TACR3: variants seen among roughly 807,000 people sequenced by gnomAD.
The protein encoded by TACR3 is tachykinin receptor 3, also known as neuromedin-K receptor.
A neutral mutation model predicts 35.0 loss-of-function variants in TACR3; 34 were observed. The observed-to-expected ratio is 0.97, with a 90% CI of 0.74 to 1.30. TACR3 has a LOEUF of 1.30. Among genes scored for constraint, TACR3 ranks in the 50% most tolerant of loss-of-function variants. The pLI, the probability that TACR3 is intolerant of heterozygous loss-of-function variation, is 0.00. For synonymous variants in TACR3, 233 were observed against 221.1 expected (o/e 1.05, Z -0.48); for missense variants, 558 against 591.7 (o/e 0.94, Z 0.59).
intron 1 of TACR3, among the ~76,000 whole-genome samples, chr4:103,708,720 G>T (rs1051150172): frequency 2.6e-5 from 4 of 152,180 alleles, no homozygotes; most frequent in Non-Finnish European, 5.9e-5. Context: ...GCTAAAGGAG[G>T]AAGTTTGAAC....
intron 3 of TACR3, among the ~76,000 whole-genome samples, chr4:103,595,669 C>T (rs1263679924): frequency 6.6e-6 from 1 of 151,636 alleles, no homozygotes; most frequent in Non-Finnish European, 1.5e-5. Flanking sequence ...AGGAAATTAA[C>T]TAAAATGCTG....
chr4:103,604,618 G>A (rs1268399429), intron 3 of TACR3, among the ~76,000 whole-genome samples: 1 of 151,956 alleles, frequency 6.6e-6, no homozygotes, highest in Admixed American at 6.6e-5. Context: ...TAGAATGGGA[G>A]AATTTTTTTG....
chr4:103,664,721 A>C (rs1725902678), intron 1 of TACR3, among the ~76,000 whole-genome samples: 1 of 152,178 alleles, frequency 6.6e-6, no homozygotes. Flanking sequence ...CTGCTTTGAC[A>C]AATCATTTGA....
intron 1 of TACR3, among the ~76,000 whole-genome samples, chr4:103,675,666 T>C (rs985219911): frequency 1.8e-4 from 27 of 152,030 alleles, no homozygotes; most frequent in Non-Finnish European, 3.4e-4. Flanking sequence ...ATAAGAGATA[T>C]GCTTACAGGT....
At chr4:103,679,648 C>T (rs1187806836) in intron 1 of TACR3, among the ~76,000 whole-genome samples, 1 of 151,874 alleles carries the variant, frequency 6.6e-6, no homozygotes, top group East Asian at 1.9e-4. Flanking sequence ...TTGAGCTCTA[C>T]TTGTTTTATG....
chr4:103,716,215 T>TTGTGTG lies in TACR3; in HGVS notation c.548+2907_548+2912dup, dbSNP rs56790385. Among the ~76,000 whole-genome samples the TTGTGTG allele has an allele frequency of 3.3e-3, 478 of 143,322 alleles. 1 individual carries two copies. Among genetic ancestry groups the TTGTGTG allele is most frequent in the East Asian group, 0.019 (90 of 4,806 alleles). 94.0% of individuals were successfully genotyped at this position (143,322 alleles called of 152,430 possible). A position where few individuals can be genotyped will look rare whatever the true frequency, so the allele number is the denominator to read the frequency against. On this transcript the variant is annotated intron_variant, in intron 1 of 4. Coordinates refer to ENST00000304883, the MANE Select transcript of TACR3 (RefSeq NM_001059.3). ...CTCTTCACTGACAAATAATTTTATC[T>TTGTGTG]TGTGTGTGTGTGTGTGTGTGTGTGT...
Position 103,589,573 on chromosome 4 carries a change from G to T in TACR3, c.*109C>A. ...ATTTGACCATAGCTGCCTAAAAATTGCTTTCTGTTTCTAGAGGGTATATAG... is the reference window on the plus strand; with the variant it reads ...ATTTGACCATAGCTGCCTAAAAATTTCTTTCTGTTTCTAGAGGGTATATAG... On this transcript the variant is annotated 3_prime_UTR_variant, in exon 5 of 5. Coordinates refer to ENST00000304883, the MANE Select transcript of TACR3 (RefSeq NM_001059.3). 2 of 1,277,532 alleles carry T rather than the reference G, an allele frequency of 1.6e-6. No homozygotes were observed. Among genetic ancestry groups the T allele is most frequent in the Admixed American group, 1.9e-5 (1 of 53,728 alleles). The allele number at this position is 1,277,532 out of a possible 1,614,324, so 79.1% of individuals were successfully genotyped here. A position where few individuals can be genotyped will look rare whatever the true frequency, so the allele number is the denominator to read the frequency against.
intron 1 of TACR3, among the ~76,000 whole-genome samples, chr4:103,688,712 C>G (rs1722317171): frequency 1.3e-5 from 2 of 151,220 alleles, no homozygotes. Flanking sequence ...TCATCTCACA[C>G]CAGTTAGAAT....
At chr4:103,700,884 T>A (rs1267397340) in intron 1 of TACR3, among the ~76,000 whole-genome samples, 1 of 152,164 alleles carries the variant, frequency 6.6e-6, no homozygotes, top group African/African-American at 2.4e-5. Flanking sequence ...AATTAGGTAT[T>A]GATGGGACGT....
Position 103,589,504 on chromosome 4 carries a change from C to A in TACR3, c.*178G>T. ...CCATTTTATTTTGGGTGGAGGCTAACATGTTATTAGTGTCTTTGTCACATT... is the reference window on the plus strand; with the variant it reads ...CCATTTTATTTTGGGTGGAGGCTAAAATGTTATTAGTGTCTTTGTCACATT... On this transcript the variant is annotated 3_prime_UTR_variant, in exon 5 of 5. Transcript: ENST00000304883. The A allele has an allele frequency of 1.6e-6, 1 of 630,086 alleles. No homozygotes were observed. Among genetic ancestry groups the A allele is most frequent in the Non-Finnish European group, 2.7e-6 (1 of 370,790 alleles). 39.0% of individuals were successfully genotyped at this position (630,086 alleles called of 1,614,324 possible). A position where few individuals can be genotyped will look rare whatever the true frequency, so the allele number is the denominator to read the frequency against.
intron 1 of TACR3, among the ~76,000 whole-genome samples, chr4:103,696,827 T>C (rs74849766): frequency 0.12 from 18,061 of 152,164 alleles, 1,478 homozygotes; most frequent in East Asian, 0.43. Context: ...GGTTTCAAAT[T>C]TTACTTCCAG....
intron 1 of TACR3, among the ~76,000 whole-genome samples, chr4:103,712,185 C>A (rs970740811): frequency 6.6e-6 from 1 of 152,170 alleles, no homozygotes; most frequent in African/African-American, 2.4e-5. Context: ...CCCGCGTTGC[C>A]AAGTCAATCC....
At chr4:103,719,011 T>TA in intron 1 of TACR3, 117 bp downstream of exon 1, 1 of 1,428,802 alleles carries the variant, frequency 7.0e-7, no homozygotes, top group Non-Finnish European at 9.6e-7. Flanking sequence ...CAAAAATTCT[T>TA]AGTCTCTTTA....
At chr4:103,610,573 T>C (rs1724491405) in intron 3 of TACR3, among the ~76,000 whole-genome samples, 1 of 152,180 alleles carries the variant, frequency 6.6e-6, no homozygotes, top group Non-Finnish European at 1.5e-5. Flanking sequence ...TCCAATTCTG[T>C]AGATTGTCCC....
intron 3 of TACR3, among the ~76,000 whole-genome samples, chr4:103,597,980 G>T (rs1234268656): frequency 3.9e-5 from 6 of 152,164 alleles, no homozygotes; most frequent in Non-Finnish European, 7.3e-5. Context: ...TAATGGGATG[G>T]CTAGGTCAAA....
intron 1 of TACR3, among the ~76,000 whole-genome samples, chr4:103,664,856 G>A (rs544080172): frequency 1.3e-5 from 2 of 152,168 alleles, no homozygotes; most frequent in African/African-American, 4.8e-5. Context: ...CTGTTGCCAA[G>A]GCTGGAGTGC....
At chr4:103,628,698 C>T (rs893796367) in intron 3 of TACR3, among the ~76,000 whole-genome samples, 1 of 152,178 alleles carries the variant, frequency 6.6e-6, no homozygotes, top group Non-Finnish European at 1.5e-5. Context: ...GATAGATTCA[C>T]AGCTGAATTC....
intron 3 of TACR3, among the ~76,000 whole-genome samples, chr4:103,613,954 C>CTT (rs1441990701): frequency 6.6e-6 from 1 of 152,106 alleles, no homozygotes; most frequent in Non-Finnish European, 1.5e-5. Flanking sequence ...GGCATCTCCT[C>CTT]TTATAGGGAT....
At chr4:103,597,298 C>T (rs1345157911) in intron 3 of TACR3, among the ~76,000 whole-genome samples, 2 of 152,046 alleles carry the variant, frequency 1.3e-5, no homozygotes, top group Non-Finnish European at 2.9e-5. Context: ...GCCATTCTAA[C>T]TGGTGTGAGA....
Sources: gnomAD v4.1 joint callset for allele counts (sites outside exome capture counted in the v4.1 genomes callset) on GRCh38, gnomAD v4.1.1 for gene constraint, MANE v1.5 for transcripts, NCBI Gene and HGNC (gene_info 2026-07-23, HGNC 2026-07-21) for gene names.